Variants in FNTA observed in about 807,000 individuals in gnomAD.
FNTA encodes the protein protein farnesyltransferase/geranylgeranyltransferase type-1 subunit alpha.
A neutral mutation model predicts 55.2 loss-of-function variants in FNTA; 27 were observed. The ratio of observed to expected loss-of-function variants is 0.49; its 90% CI spans 0.36 to 0.67. The LOEUF is 0.67. FNTA is among the 30% of genes least tolerant of loss of function. The pLI, the probability that FNTA is intolerant of heterozygous loss-of-function variation, is 0.00. For synonymous variants in FNTA, 176 were observed against 170.7 expected (o/e 1.03, Z -0.24); for missense variants, 422 against 464.7 (o/e 0.91, Z 0.85).
chr8:43,060,051 A>G (rs1810495701), intron 2 of FNTA, among the ~76,000 whole-genome samples: 1 of 152,220 alleles, frequency 6.6e-6, no homozygotes. Flanking sequence ...TTGGCTGTGC[A>G]CTTAGATAAA....
chr8:43,069,100 A>T (rs999975151), intron 3 of FNTA, among the ~76,000 whole-genome samples: 1 of 152,046 alleles, frequency 6.6e-6, no homozygotes, highest in South Asian at 2.1e-4. Context: ...AATTATACAG[A>T]GTACCTATGT....
intron 3 of FNTA, among the ~76,000 whole-genome samples, chr8:43,068,882 T>TTTTC: frequency 6.6e-6 from 1 of 152,160 alleles, no homozygotes; most frequent in Non-Finnish European, 1.5e-5. Flanking sequence ...CCAACTGATT[T>TTTTC]TGCATTTTTA....
rs776718322 is a variant in FNTA, at chr8:43,059,146, T to TC, written c.258dup (p.Val87ArgfsTer7). ...CGGTGCCGCAGAATGATGGCCCCAA[T>TC]CCCGTGGTCCAGATCATTTATAGTG... On this transcript the variant is annotated frameshift_variant, in exon 2 of 9. Coordinates refer to ENST00000302279, the MANE Select transcript of FNTA (RefSeq NM_002027.3). LOFTEE classifies it high-confidence loss of function. The TC allele has an allele frequency of 6.2e-7, 1 of 1,612,472 alleles. No individual in the cohort carries two copies. Among genetic ancestry groups the TC allele is most frequent in the Non-Finnish European group, 8.5e-7 (1 of 1,179,358 alleles).
chr8:43,070,857 CT>C (rs1454060308), intron 4 of FNTA, among the ~76,000 whole-genome samples: 9 of 152,186 alleles, frequency 5.9e-5, no homozygotes, highest in African/African-American at 2.2e-4. Flanking sequence ...TCAGCATGAA[CT>C]TTTTCTTCCT....
At chr8:43,075,380 A>G (rs935849687) in intron 5 of FNTA, among the ~76,000 whole-genome samples, 3 of 152,168 alleles carry the variant, frequency 2.0e-5, no homozygotes, top group Non-Finnish European at 4.4e-5. Context: ...CTGTTACCAA[A>G]TAAGAAAACT....
rs1309779869 is a variant in FNTA at position 43,085,649 on chromosome 8, C to T, written c.*367C>T. On this transcript the variant is annotated 3_prime_UTR_variant, in exon 9 of 9. Transcript: ENST00000302279. ...TTGTATGTAATGGATGTGAGGTAGC[C>T]GAAGTTTGGTTCAGTAAGCAGGGAA... 2.0e-5 allele frequency: 4 copies of T among 198,840 alleles called. No individual in the cohort carries two copies. The highest frequency in any genetic ancestry group is 7.1e-5 in the African/African-American group (3 of 42,260). The allele number at this position is 198,840 out of a possible 1,614,324, so 12.3% of individuals were successfully genotyped here. A position where few individuals can be genotyped will look rare whatever the true frequency, so the allele number is the denominator to read the frequency against.
chr8:43,074,240 G>C (rs1408705195), intron 5 of FNTA, among the ~76,000 whole-genome samples: 1 of 152,110 alleles, frequency 6.6e-6, no homozygotes, highest in Non-Finnish European at 1.5e-5. Flanking sequence ...CTTTAAAAAT[G>C]AGTCTGGGTA....
chr8:43,062,045 T>C (rs1436946387), intron 2 of FNTA, among the ~76,000 whole-genome samples: 1 of 152,126 alleles, frequency 6.6e-6, no homozygotes, highest in Non-Finnish European at 1.5e-5. Context: ...ATTAAAAGAA[T>C]AATGTTTCAT....
In FNTA at chr8:43,085,740, T is replaced by C. The variant is rs923398171; in HGVS notation, c.*458T>C. On this transcript the variant is annotated 3_prime_UTR_variant, in exon 9 of 9. Coordinates refer to ENST00000302279, the MANE Select transcript of FNTA (RefSeq NM_002027.3). ...TCTTGCTATCACTGTAACCAACTAA[T>C]GCCAAAAGAACGGTTTTGTAATAAA... The C allele has an allele frequency of 6.4e-6, 1 of 156,432 alleles. No homozygotes were observed. The highest frequency in any genetic ancestry group is 1.4e-5 in the Non-Finnish European group (1 of 70,898). 9.7% of individuals were successfully genotyped at this position (156,432 alleles called of 1,614,324 possible). A position where few individuals can be genotyped will look rare whatever the true frequency, so the allele number is the denominator to read the frequency against.
chr8:43,056,713 T>G, intron 1 of FNTA, 167 bp downstream of exon 1: 1 of 260,232 alleles, frequency 3.8e-6, no homozygotes, highest in Non-Finnish European at 6.7e-6. Flanking sequence ...ACGTCGCCGC[T>G]TCCCAGGGCG....
chr8:43,064,650 T>A (rs748102951), intron 3 of FNTA, among the ~76,000 whole-genome samples: 2 of 151,596 alleles, frequency 1.3e-5, no homozygotes, highest in Non-Finnish European at 2.9e-5. Context: ...CGCTTATGGG[T>A]TTAAAAGTCA....
chr8:43,061,844 C>T (rs376173655), intron 2 of FNTA, among the ~76,000 whole-genome samples: 4 of 151,812 alleles, frequency 2.6e-5, no homozygotes, highest in Admixed American at 2.0e-4. Context: ...CTCAGCCGCC[C>T]GAGTAGCTGG....
rs757838318 is a variant in FNTA, at chr8:43,069,493, A to T, written c.402-62A>T. The T allele has an allele frequency of 4.9e-6, 5 of 1,014,158 alleles. No individual in the cohort carries two copies. In the African/African-American group the frequency reaches 7.9e-5, roughly 16 times the overall value. 62.8% of individuals were successfully genotyped at this position (1,014,158 alleles called of 1,614,324 possible). A position where few individuals can be genotyped will look rare whatever the true frequency, so the allele number is the denominator to read the frequency against. Reference sequence around the variant, plus strand: ...TATTGCTGACTTGTAGCTGTATTTGATATTGTTATTAGGGAACTTCTGTGT... The same window carrying T: ...TATTGCTGACTTGTAGCTGTATTTGTTATTGTTATTAGGGAACTTCTGTGT... On this transcript the variant is annotated intron_variant, in intron 3 of 8. Transcript: ENST00000302279.
intron 1 of FNTA, among the ~76,000 whole-genome samples, chr8:43,058,693 G>A (rs577666667): frequency 1.8e-4 from 27 of 152,112 alleles, no homozygotes; most frequent in African/African-American, 6.3e-4. Flanking sequence ...AGAAGAATTG[G>A]TTGAACCCAG....
At chr8:43,063,730 C>G (rs992170457) in intron 2 of FNTA, among the ~76,000 whole-genome samples, 1 of 152,006 alleles carries the variant, frequency 6.6e-6, no homozygotes, top group Non-Finnish European at 1.5e-5. Flanking sequence ...AGTTTTCTGC[C>G]TTTGGGCATA....
At chr8:43,064,960 C>T (rs1416607944) in intron 3 of FNTA, among the ~76,000 whole-genome samples, 1 of 151,808 alleles carries the variant, frequency 6.6e-6, no homozygotes, top group Non-Finnish European at 1.5e-5. Flanking sequence ...CCTCAGCCTC[C>T]CCAGTAGCTG....
chr8:43,056,382 A>C lies in FNTA; in HGVS notation c.36A>C (p.Gln12His). The change falls in exon 1 of 9, where the codon CAA (glutamine) becomes CAC (histidine). Residue 12 changes from glutamine (Q) to histidine (H), a missense_variant. Physicochemically the swap from Gln to His is conservative, Grantham distance 24. Coordinates refer to ENST00000302279, the MANE Select transcript of FNTA (RefSeq NM_002027.3). ...AATEGVGEAA[Q>H]GGEPGQPAQP... ...CCGAGGGGGTCGGGGAGGCTGCGCA[A>C]GGGGGCGAGCCCGGGCAGCCGGCGC... The C allele has an allele frequency of 1.4e-6, 2 of 1,477,936 alleles. No homozygotes were observed. The highest frequency in any genetic ancestry group is 1.8e-6 in the Non-Finnish European group (2 of 1,117,306). The allele number at this position is 1,477,936 out of a possible 1,614,324, so 91.6% of individuals were successfully genotyped here.
intron 5 of FNTA, 181 bp from the exon 6 acceptor site, chr8:43,077,035 T>A (rs1810928212): frequency 2.2e-6 from 1 of 450,078 alleles, no homozygotes; most frequent in Non-Finnish European, 3.9e-6. Flanking sequence ...CCAGGCTCTA[T>A]CATCAATTTC....
intron 5 of FNTA, among the ~76,000 whole-genome samples, chr8:43,075,879 C>CT (rs111515423): frequency 0.066 from 9,487 of 142,900 alleles, 682 homozygotes; most frequent in African/African-American, 0.18. Flanking sequence ...TTTTCTTTTT[C>CT]TTTTTTTTTT....
Sources: gnomAD v4.1 joint callset for allele counts (sites outside exome capture counted in the v4.1 genomes callset) on GRCh38, gnomAD v4.1.1 for gene constraint, MANE v1.5 for transcripts, NCBI Gene and HGNC (gene_info 2026-07-23, HGNC 2026-07-21) for gene names.